LIPI: variants seen among roughly 807,000 people sequenced by gnomAD.
The protein encoded by LIPI is lipase I.
A neutral mutation model predicts 50.6 loss-of-function variants in LIPI; 59 were observed. The observed-to-expected ratio is 1.16, with a 90% CI of 0.94 to 1.45. LIPI has a LOEUF of 1.45. LIPI is among the 40% of genes most tolerant of loss of function. LIPI has a pLI of 0.00. For synonymous variants in LIPI, 203 were observed against 178.2 expected, an observed-to-expected ratio of 1.14 and a Z score of -1.11; for missense variants, 586 against 536.3, an observed-to-expected ratio of 1.09 and a Z score of -0.92.
chr21:14,162,180 A>T (rs2018522163), intron 7 of LIPI, among the ~76,000 whole-genome samples: 1 of 151,080 alleles, frequency 6.6e-6, no homozygotes, highest in Admixed American at 6.7e-5. Context: ...TACATGCTAC[A>T]TGGATGAACC....
intron 1 of LIPI, among the ~76,000 whole-genome samples, chr21:14,191,684 G>A (rs1423157535): frequency 2.0e-5 from 3 of 152,220 alleles, no homozygotes; most frequent in African/African-American, 7.2e-5. Context: ...CATTTCTCTT[G>A]GAAATTTTAG....
At chr21:14,191,145 G>C (rs1033731641) in intron 1 of LIPI, among the ~76,000 whole-genome samples, 2 of 152,198 alleles carry the variant, frequency 1.3e-5, no homozygotes, top group East Asian at 3.9e-4. Flanking sequence ...TCAGGAGGCC[G>C]AGGCGGGCGG....
intron 7 of LIPI, among the ~76,000 whole-genome samples, chr21:14,161,819 CAAATATATATTAATATATAAT>C (rs2018500983): frequency 4.4e-5 from 1 of 22,604 alleles, no homozygotes; most frequent in African/African-American, 3.0e-4. Context: ...ATAATATATA[CAAATATATATTAATATATAAT>C]ATATACATTA....
intron 4 of LIPI, 69 bp downstream of exon 4, chr21:14,181,689 C>T (rs1330241278): frequency 1.2e-6 from 1 of 860,604 alleles, no homozygotes; most frequent in Non-Finnish European, 2.0e-6. Context: ...CTTATGCCCT[C>T]CTCTTGCCCA....
chr21:14,137,012 T>C (rs2017523802), intron 9 of LIPI, among the ~76,000 whole-genome samples: 1 of 152,094 alleles, frequency 6.6e-6, no homozygotes, highest in African/African-American at 2.4e-5. Flanking sequence ...ACAGCATTAC[T>C]GGGCCTGGGG....
chr21:14,176,387 G>C (rs938855277), intron 4 of LIPI, among the ~76,000 whole-genome samples: 10 of 151,862 alleles, frequency 6.6e-5, no homozygotes, highest in African/African-American at 2.4e-4. Flanking sequence ...CAAAATAGAT[G>C]CTTAGATTAT....
chr21:14,135,450 C>T (rs776268353), intron 9 of LIPI, among the ~76,000 whole-genome samples: 1 of 152,166 alleles, frequency 6.6e-6, no homozygotes, highest in Non-Finnish European at 1.5e-5. Context: ...ACTCCTCCCC[C>T]ATCCCCAGGA....
Position 14,189,177 on chromosome 21 carries a change from C to T in LIPI, c.289G>A (p.Val97Ile), listed in dbSNP as rs368049812. Reference protein sequence around the residue: ...GSIPLWLQNFVRILLNEEDMN... With the variant: ...GSIPLWLQNFIRILLNEEDMN... ...TCTTCTTCATTCAGCAAAATCCTTA[C>T]GAAGTTCTGAAGCCATAATGGGATG... is the stretch of plus-strand genomic sequence containing the variant. The change falls in exon 2 of 10, where the codon GTA (valine) becomes ATA (isoleucine). Residue 97 changes from valine (V) to isoleucine (I), a missense_variant. By Grantham distance (29) the Val-to-Ile change is conservative (BLOSUM62 3). Coordinates refer to ENST00000681601, the MANE Select transcript of LIPI (RefSeq NM_001302998.2). The T allele has an allele frequency of 7.6e-5, 122 of 1,613,970 alleles. 1 individual carries two copies. The South Asian group carries it at 9.3e-4, about 12-fold the overall frequency.
chr21:14,144,916 C>G, intron 8 of LIPI, 117 bp from the exon 9 acceptor site: 1 of 613,122 alleles, frequency 1.6e-6, no homozygotes, highest in Non-Finnish European at 2.9e-6. Context: ...GGGAAAAGGC[C>G]AAACAAAATA....
chr21:14,169,349 T>A (rs1412593237), intron 4 of LIPI, among the ~76,000 whole-genome samples: 2 of 152,104 alleles, frequency 1.3e-5, no homozygotes, highest in African/African-American at 2.4e-5. Flanking sequence ...AACTCAGCTC[T>A]GCACCAAGTG....
intron 4 of LIPI, among the ~76,000 whole-genome samples, chr21:14,166,880 G>A (rs969117091): frequency 3.3e-5 from 5 of 152,152 alleles, no homozygotes; most frequent in South Asian, 4.1e-4. Flanking sequence ...TGGGTGCAGC[G>A]CACCATGTGC....
In LIPI at chr21:14,170,226, C is replaced by G. The variant is rs1038891961; in HGVS notation, c.644-3775G>C. On this transcript the variant is annotated intron_variant, in intron 4 of 9. Transcript: ENST00000681601. ...CTGAAGTTGTGGCAATAATCAATAG[C>G]TTACCAACCAAAAAGAGTCCAGGAC... Among the ~76,000 whole-genome samples the G allele has an allele frequency of 5.3e-5, 8 of 152,136 alleles. 1 individual carries two copies. Among genetic ancestry groups the G allele is most frequent in the Admixed American group, 6.5e-5 (1 of 15,276 alleles).
chr21:14,190,560 A>T (rs1389385566), intron 1 of LIPI, among the ~76,000 whole-genome samples: 4 of 152,202 alleles, frequency 2.6e-5, no homozygotes, highest in African/African-American at 9.6e-5. Flanking sequence ...TGCATTTCTT[A>T]CAATAATTCT....
chr21:14,202,785 T>C (rs916969735), intron 1 of LIPI, among the ~76,000 whole-genome samples: 2 of 152,160 alleles, frequency 1.3e-5, no homozygotes, highest in Non-Finnish European at 1.5e-5. Flanking sequence ...AAGGACCTCA[T>C]GTCTAAAACA....
At chr21:14,130,521 C>A (rs114619712) in intron 9 of LIPI, among the ~76,000 whole-genome samples, 4,148 of 152,270 alleles carry the variant, frequency 0.027, 180 homozygotes, top group African/African-American at 0.091. Context: ...GGGCTGCTGA[C>A]AGACCAAGAC....
At chr21:14,119,989 C>T (rs911227464) in intron 9 of LIPI, among the ~76,000 whole-genome samples, 2 of 152,154 alleles carry the variant, frequency 1.3e-5, no homozygotes. Context: ...ATATCAAGGG[C>T]TCCTATGTGA....
intron 7 of LIPI, among the ~76,000 whole-genome samples, chr21:14,158,586 A>G (rs1473848056): frequency 6.7e-6 from 1 of 148,560 alleles, no homozygotes; most frequent in Non-Finnish European, 1.5e-5. Context: ...GTAGAAATAT[A>G]TATTTTATAT....
intron 1 of LIPI, among the ~76,000 whole-genome samples, chr21:14,204,294 A>G (rs1282497141): frequency 6.6e-6 from 1 of 151,872 alleles, no homozygotes; most frequent in Admixed American, 6.6e-5. Flanking sequence ...TTTTTTTAAA[A>G]AAGAGGTAGA....
intron 9 of LIPI, among the ~76,000 whole-genome samples, chr21:14,133,628 T>C (rs2017379562): frequency 6.6e-6 from 1 of 152,082 alleles, no homozygotes. Context: ...TCACCCCAGA[T>C]AAATCAACCA....
Sources: gnomAD v4.1 joint callset for allele counts (sites outside exome capture counted in the v4.1 genomes callset) on GRCh38, gnomAD v4.1.1 for gene constraint, MANE v1.5 for transcripts, NCBI Gene and HGNC (gene_info 2026-07-23, HGNC 2026-07-21) for gene names.